VCF1: variants seen among roughly 807,000 people sequenced by gnomAD.
The protein encoded by VCF1 is VCP nuclear cofactor family member 1, also known as protein VCF1.
At chr17:73,209,419 G>T in the VCF1 span, 1 of 1,336,240 alleles carries the variant, frequency 7.5e-7, no homozygotes. Flanking sequence ...AGACTGAAAA[G>T]CCAACAGGCA....
the VCF1 span, chr17:73,232,316 G>A: frequency 1.3e-6 from 2 of 1,566,918 alleles, no homozygotes; most frequent in Non-Finnish European, 1.7e-6. Context: ...TGTCGCTGCC[G>A]CCGTGGTACC....
At chr17:73,209,932 C>T in the VCF1 span, among the ~76,000 whole-genome samples, 783 of 152,292 alleles carry the variant, frequency 5.1e-3, 24 homozygotes, top group Admixed American at 0.043. Context: ...TCTCCTAAAA[C>T]GTTTCATCCT....
the VCF1 span, chr17:73,209,393 CTGT>C: frequency 8.6e-7 from 1 of 1,165,996 alleles, no homozygotes; most frequent in South Asian, 1.6e-5. Context: ...GCCTGTTAAC[CTGT>C]TATTTCAAAT....
the VCF1 span, among the ~76,000 whole-genome samples, chr17:73,223,240 C>G: frequency 6.6e-6 from 1 of 152,272 alleles, no homozygotes; most frequent in African/African-American, 2.4e-5. Flanking sequence ...TCGCTTGAAT[C>G]CAGGAGGCAG....
the VCF1 span, chr17:73,227,107 T>A: frequency 5.9e-4 from 707 of 1,193,896 alleles, 9 homozygotes; most frequent in South Asian, 9.5e-3. Context: ...ACACAGCAGA[T>A]ACTAGGTTAT....
At chr17:73,220,126 T>C in the VCF1 span, among the ~76,000 whole-genome samples, 7 of 152,128 alleles carry the variant, frequency 4.6e-5, no homozygotes, top group Non-Finnish European at 1.0e-4. Flanking sequence ...CTAAGACGGA[T>C]TAAAGATGAG....
chr17:73,232,374 T>C, the VCF1 span: 1 of 1,440,310 alleles, frequency 6.9e-7, no homozygotes, highest in Admixed American at 2.5e-5. Flanking sequence ...CACCGACTGG[T>C]AACCCCGCCC....
At chr17:73,229,900 T>G in the VCF1 span, among the ~76,000 whole-genome samples, 2 of 135,884 alleles carry the variant, frequency 1.5e-5, no homozygotes, top group South Asian at 4.7e-4. Context: ...AAAAAGAGTA[T>G]GGAAACTAGT....
At chr17:73,227,214 G>T in the VCF1 span, 1 of 1,582,372 alleles carries the variant, frequency 6.3e-7, no homozygotes, top group Non-Finnish European at 8.6e-7. Context: ...ACTTCTTTTG[G>T]TCTGGGGGGG....
chr17:73,230,261 A>C, the VCF1 span, among the ~76,000 whole-genome samples: 53 of 152,152 alleles, frequency 3.5e-4, 1 homozygote, highest in Admixed American at 1.4e-3. Flanking sequence ...GGGCCACTGC[A>C]CTCCAGCCTG....
At chr17:73,230,405 CTT>C in the VCF1 span, among the ~76,000 whole-genome samples, 52 of 148,216 alleles carry the variant, frequency 3.5e-4, no homozygotes, top group Non-Finnish European at 4.5e-4. Flanking sequence ...CCTGAAAACC[CTT>C]TTTTTTTTTT....
chr17:73,221,256 C>T, the VCF1 span, among the ~76,000 whole-genome samples: 5 of 151,388 alleles, frequency 3.3e-5, 1 homozygote, highest in African/African-American at 1.2e-4. Flanking sequence ...TTTATTTACT[C>T]AAGTAGAAGC....
At chr17:73,231,131 A>G in the VCF1 span, among the ~76,000 whole-genome samples, 2 of 152,208 alleles carry the variant, frequency 1.3e-5, no homozygotes, top group Non-Finnish European at 2.9e-5. Context: ...ACCCAAATCA[A>G]TAATCCAATG....
the VCF1 span, among the ~76,000 whole-genome samples, chr17:73,224,894 G>C: frequency 3.0e-5 from 4 of 135,380 alleles, no homozygotes; most frequent in African/African-American, 1.0e-4. Flanking sequence ...GCACAGGACA[G>C]GACAGGACAG....
At chr17:73,209,520 G>A in the VCF1 span, 2 of 1,575,746 alleles carry the variant, frequency 1.3e-6, no homozygotes, top group Non-Finnish European at 1.7e-6. Context: ...GCAAGAAACT[G>A]CCGGCACATC....
the VCF1 span, among the ~76,000 whole-genome samples, chr17:73,230,791 A>C: frequency 6.6e-6 from 1 of 152,204 alleles, no homozygotes; most frequent in African/African-American, 2.4e-5. Flanking sequence ...AAATCAAATA[A>C]CTTCTTTAAA....
the VCF1 span, chr17:73,209,079 A>G: frequency 1.6e-5 from 3 of 189,354 alleles, no homozygotes; most frequent in East Asian, 1.5e-4. Flanking sequence ...CAAGCTTCCT[A>G]TATTTTGGAA....
At chr17:73,209,843 A>G in the VCF1 span, 2 of 1,519,838 alleles carry the variant, frequency 1.3e-6, no homozygotes, top group East Asian at 2.5e-5. Flanking sequence ...TTTCATGTAC[A>G]GCGCTCTATT....
the VCF1 span, chr17:73,208,332 T>G: frequency 6.2e-7 from 1 of 1,613,978 alleles, no homozygotes; most frequent in Non-Finnish European, 8.5e-7. Context: ...CCCGGCACGC[T>G]CCACAGCTGG....
Sources: allele counts gnomAD v4.1 joint callset (sites outside exome capture counted in the v4.1 genomes callset), GRCh38; gene constraint gnomAD v4.1.1; transcripts MANE v1.5; gene names NCBI Gene and HGNC (gene_info 2026-07-23, HGNC 2026-07-21).